RBFOX1: variants seen among roughly 807,000 people sequenced by gnomAD.
RBFOX1 encodes RNA binding fox-1 homolog 1.
Under a neutral mutation model 57.7 loss-of-function variants are expected in RBFOX1, and 8 were observed. The ratio of observed to expected loss-of-function variants is 0.14; its 90% CI spans 0.08 to 0.25. The LOEUF (loss-of-function observed/expected upper bound fraction) is 0.25. Among genes scored for constraint, RBFOX1 ranks in the 10% least tolerant of loss-of-function variants. The pLI is 1.00. For missense variants in RBFOX1, 611 were observed against 548.5 expected (o/e 1.11, Z -1.14); for synonymous variants, 326 against 222.4 (o/e 1.47, Z -4.15).
intron 4 of RBFOX1, among the ~76,000 whole-genome samples, chr16:5,958,723 A>C (rs900479416): frequency 6.6e-6 from 1 of 152,198 alleles, no homozygotes; most frequent in Admixed American, 6.5e-5. Flanking sequence ...CAAGGTTTCT[A>C]CTGGCAGCTC....
chr16:6,139,681 T>C (rs2096698864), intron 1 of RBFOX1, among the ~76,000 whole-genome samples: 1 of 152,246 alleles, frequency 6.6e-6, no homozygotes, highest in Non-Finnish European at 1.5e-5. Flanking sequence ...GGCTTGGCCA[T>C]GCCATCTTTT....
intron 10 of RBFOX1, among the ~76,000 whole-genome samples, chr16:7,621,274 T>C (rs1025657592): frequency 6.6e-6 from 1 of 152,234 alleles, no homozygotes; most frequent in Non-Finnish European, 1.5e-5. Flanking sequence ...ATTTTTTTTT[T>C]TCTTTTTTGA....
At chr16:6,147,218 G>A (rs2096765037) in intron 1 of RBFOX1, among the ~76,000 whole-genome samples, 1 of 152,166 alleles carries the variant, frequency 6.6e-6, no homozygotes, top group Non-Finnish European at 1.5e-5. Context: ...TGTCTTGCTG[G>A]CTGCATGCTC....
intron 4 of RBFOX1, among the ~76,000 whole-genome samples, chr16:7,214,506 T>C (rs948269799): frequency 6.6e-6 from 1 of 151,956 alleles, no homozygotes; most frequent in African/African-American, 2.4e-5. Context: ...ATCTCTCTGG[T>C]CCAAACCTCA....
rs1274695786 is a variant in RBFOX1, at chr16:7,678,171, G to T, written c.995+1333G>T. On this transcript the variant is annotated intron_variant, in intron 14 of 15. Coordinates refer to ENST00000550418, the MANE Select transcript of RBFOX1 (RefSeq NM_018723.4). Reference sequence around the variant, plus strand: ...CATAACAAGTTCTCAAGGCTGTAGGGGGCCTTCAGAGAAATCCAGACAATT... The same window carrying T: ...CATAACAAGTTCTCAAGGCTGTAGGTGGCCTTCAGAGAAATCCAGACAATT... Among the ~76,000 whole-genome samples the T allele has an allele frequency of 1.8e-4, 28 of 152,104 alleles. 1 individual carries two copies. Among genetic ancestry groups the T allele is most frequent in the Admixed American group, 1.8e-3 (28 of 15,260 alleles).
intron 2 of RBFOX1, among the ~76,000 whole-genome samples, chr16:5,536,853 T>G (rs558031536): frequency 1.5e-3 from 224 of 152,334 alleles, no homozygotes; most frequent in African/African-American, 5.1e-3. Context: ...CATCTGTACC[T>G]GTACCATACA....
intron 1 of RBFOX1, among the ~76,000 whole-genome samples, chr16:5,311,621 G>A (rs546504368): frequency 6.6e-6 from 1 of 152,164 alleles, no homozygotes; most frequent in South Asian, 2.1e-4. Flanking sequence ...TCTCATTGTG[G>A]TTTTATTTTG....
chr16:6,777,928 T>C (rs1228492259), intron 3 of RBFOX1, among the ~76,000 whole-genome samples: 1 of 152,148 alleles, frequency 6.6e-6, no homozygotes, highest in Non-Finnish European at 1.5e-5. Context: ...CTTTCCAAAA[T>C]TCCAATTTCA....
chr16:6,822,040 G>C (rs1281510512), intron 3 of RBFOX1, among the ~76,000 whole-genome samples: 1 of 152,116 alleles, frequency 6.6e-6, no homozygotes, highest in Non-Finnish European at 1.5e-5. Flanking sequence ...GTATAGACTT[G>C]ACAAGTGATC....
chr16:5,539,368 G>A (rs1249931621), intron 2 of RBFOX1, among the ~76,000 whole-genome samples: 1 of 151,952 alleles, frequency 6.6e-6, no homozygotes, highest in East Asian at 1.9e-4. Flanking sequence ...TGAGGCGGGT[G>A]GATCACTTGA....
rs192187627 is a variant in RBFOX1, at chr16:7,150,342, A to C, written c.27+98244A>C. On this transcript the variant is annotated intron_variant, in intron 4 of 15. Coordinates refer to ENST00000550418, the MANE Select transcript of RBFOX1 (RefSeq NM_018723.4). The stretch of plus-strand genomic sequence containing the variant: ...GTCTTCACGGTTGTGTCTATATTAG[A>C]CAGTGCCCACCCTACGTTAATGCCC... Among the ~76,000 whole-genome samples the C allele has an allele frequency of 1.4e-3, 216 of 152,268 alleles. 2 individuals carry two copies. The South Asian group carries it at 0.02, about 14-fold the overall frequency.
At chr16:5,326,837 G>A (rs545784109) in intron 1 of RBFOX1, among the ~76,000 whole-genome samples, 19 of 152,246 alleles carry the variant, frequency 1.2e-4, no homozygotes, top group East Asian at 5.8e-4. Flanking sequence ...AATATCAGAC[G>A]TCCAAATGAT....
At chr16:6,935,140 C>T (rs1473006870) in intron 3 of RBFOX1, among the ~76,000 whole-genome samples, 6 of 152,044 alleles carry the variant, frequency 3.9e-5, no homozygotes, top group African/African-American at 1.4e-4. Context: ...ATTCGAGTGA[C>T]CTTGAGCTAT....
intron 4 of RBFOX1, among the ~76,000 whole-genome samples, chr16:7,181,890 T>C (rs1567600393): frequency 6.6e-6 from 1 of 152,070 alleles, no homozygotes; most frequent in Non-Finnish European, 1.5e-5. Flanking sequence ...AGTCACCATA[T>C]GTGAAGTGGT....
intron 1 of RBFOX1, among the ~76,000 whole-genome samples, chr16:5,244,899 G>A (rs1207032810): frequency 3.3e-5 from 5 of 152,232 alleles, no homozygotes; most frequent in African/African-American, 9.6e-5. Context: ...TTACTGTGCT[G>A]GGAGTACTTG....
At chr16:6,962,153 T>G (rs944595356) in intron 3 of RBFOX1, among the ~76,000 whole-genome samples, 18 of 152,264 alleles carry the variant, frequency 1.2e-4, no homozygotes, top group African/African-American at 4.1e-4. Flanking sequence ...GGAGAATCCC[T>G]CCTTTCTACT....
chr16:7,103,169 G>A (rs955774674), intron 4 of RBFOX1, among the ~76,000 whole-genome samples: 1 of 151,992 alleles, frequency 6.6e-6, no homozygotes, highest in Non-Finnish European at 1.5e-5. Context: ...TTGAGGATTT[G>A]CACATTTCTT....
intron 4 of RBFOX1, among the ~76,000 whole-genome samples, chr16:7,167,045 G>A (rs899111416): frequency 3.1e-5 from 4 of 130,784 alleles, no homozygotes; most frequent in South Asian, 2.5e-4. Context: ...GAGTGCAGTG[G>A]TGTGATCTCA....
At chr16:7,490,253 C>G (rs1444160674) in intron 4 of RBFOX1, among the ~76,000 whole-genome samples, 2 of 152,190 alleles carry the variant, frequency 1.3e-5, no homozygotes, top group Non-Finnish European at 2.9e-5. Context: ...CTTTGTCTCT[C>G]CAAGAGCTCA....
Sources: gnomAD v4.1 joint callset for allele counts (sites outside exome capture counted in the v4.1 genomes callset) on GRCh38, gnomAD v4.1.1 for gene constraint, MANE v1.5 for transcripts, NCBI Gene and HGNC (gene_info 2026-07-23, HGNC 2026-07-21) for gene names.